SEH1L: variants seen among roughly 807,000 people sequenced by gnomAD.
The protein encoded by SEH1L is SEH1 like nucleoporin, also known as nucleoporin SEH1.
In SEH1L, 18 loss-of-function variants were observed where a neutral mutation model predicts 49.5. That is an observed-to-expected ratio of 0.36 (90% CI 0.25 to 0.54). The LOEUF is 0.54. Among genes scored for constraint, SEH1L ranks in the 20% least tolerant of loss-of-function variants. The pLI, the probability that SEH1L is intolerant of heterozygous loss-of-function variation, is 0.87. For missense variants in SEH1L, 404 were observed against 528.8 expected, an observed-to-expected ratio of 0.76 and a Z score of 2.31; for synonymous variants, 169 against 178.1, an observed-to-expected ratio of 0.95 and a Z score of 0.41.
chr18:12,962,967 T>C (rs1046403148), intron 3 of SEH1L, among the ~76,000 whole-genome samples, 193 bp from the exon 4 acceptor site: 20 of 152,084 alleles, frequency 1.3e-4, no homozygotes, highest in Non-Finnish European at 2.1e-4. Context: ...ACTAATTTGT[T>C]AGTGATTCCC....
chr18:12,981,451 C>T (rs575599511), intron 6 of SEH1L, among the ~76,000 whole-genome samples: 153 of 152,358 alleles, frequency 1.0e-3, no homozygotes, highest in Admixed American at 2.9e-3. Flanking sequence ...TCTGCCATCC[C>T]GGCACCTCGG....
intron 5 of SEH1L, among the ~76,000 whole-genome samples, chr18:12,976,104 A>G (rs533598606): frequency 6.6e-6 from 1 of 152,326 alleles, no homozygotes; most frequent in African/African-American, 2.4e-5. Context: ...GAAACAGTAC[A>G]GATTCGGTAT....
chr18:12,980,684 G>T (rs2032190028), intron 6 of SEH1L, among the ~76,000 whole-genome samples: 2 of 127,112 alleles, frequency 1.6e-5, no homozygotes, highest in Non-Finnish European at 1.7e-5. Flanking sequence ...GTGGCTGGCA[G>T]GGCGGGGGGC....
At chr18:12,975,619 CA>C in intron 5 of SEH1L, 1 of 795,762 alleles carries the variant, frequency 1.3e-6, no homozygotes, top group African/African-American at 1.9e-5. Context: ...AGGGGCAGGC[CA>C]ACAGGCCAGG....
Position 12,953,926 on chromosome 18 carries a change from T to A in SEH1L, c.163-1537T>A, listed in dbSNP as rs114699101. On this transcript the variant is annotated intron_variant, in intron 2 of 8. Coordinates refer to ENST00000399892, the MANE Select transcript of SEH1L (RefSeq NM_001013437.2). ...GTGGATATTTCAGTTTCCATTTTAT[T>A]GTGATGAGCATCTTTGTGCAAACCT... Among the ~76,000 whole-genome samples, 661 of 152,364 alleles carry A rather than the reference T, an allele frequency of 4.3e-3. 4 individuals are homozygous for A. The highest frequency in any genetic ancestry group is 0.013 in the African/African-American group (522 of 41,586).
chr18:12,952,721 T>C (rs2030615181), intron 2 of SEH1L, among the ~76,000 whole-genome samples: 1 of 151,780 alleles, frequency 6.6e-6, no homozygotes, highest in South Asian at 2.1e-4. Context: ...TCTGTCTCCA[T>C]AGGTTTCTTC....
At chr18:12,975,162 T>C (rs1273448182) in intron 5 of SEH1L, among the ~76,000 whole-genome samples, 1 of 151,976 alleles carries the variant, frequency 6.6e-6, no homozygotes, top group African/African-American at 2.4e-5. Flanking sequence ...CCAGCTAATT[T>C]TGTAGTTTTA....
chr18:12,983,444 CCTTTTCTG>C, intron 7 of SEH1L, among the ~76,000 whole-genome samples: 1 of 152,206 alleles, frequency 6.6e-6, no homozygotes, highest in Non-Finnish European at 1.5e-5. Context: ...GCTTTGCTGT[CCTTTTCTG>C]CCTTTAGGCT....
chr18:12,951,298 C>A (rs1229239647), intron 1 of SEH1L, among the ~76,000 whole-genome samples: 3 of 152,166 alleles, frequency 2.0e-5, no homozygotes, highest in Non-Finnish European at 4.4e-5. Context: ...GGCCTCCAAG[C>A]GTAGTGACTG....
intron 4 of SEH1L, among the ~76,000 whole-genome samples, chr18:12,963,577 C>A (rs1035539513): frequency 6.6e-6 from 1 of 152,192 alleles, no homozygotes. Context: ...TTCATGTGAA[C>A]CTTTTGGATG....
In SEH1L at chr18:12,980,064, G is replaced by A. The variant is rs558797727; in HGVS notation, c.761+1172G>A. On this transcript the variant is annotated intron_variant, in intron 6 of 8. Coordinates refer to ENST00000399892, the MANE Select transcript of SEH1L (RefSeq NM_001013437.2). ...CCCCCACCTCCCTCCTGGACGGGGCGGCTGGCCGGGCGGGGGGCTGACCCC... is the reference window on the plus strand; with the variant it reads ...CCCCCACCTCCCTCCTGGACGGGGCAGCTGGCCGGGCGGGGGGCTGACCCC... Among the ~76,000 whole-genome samples the A allele has an allele frequency of 1.8e-3, 188 of 102,326 alleles. 5 individuals carry two copies. Among genetic ancestry groups the A allele is most frequent in the Non-Finnish European group, 3.1e-3 (161 of 52,296 alleles). The allele number at this position is 102,326 out of a possible 152,430, so 67.1% of individuals were successfully genotyped here.
At chr18:12,956,322 G>A (rs893777300) in intron 3 of SEH1L, among the ~76,000 whole-genome samples, 1 of 151,776 alleles carries the variant, frequency 6.6e-6, no homozygotes, top group African/African-American at 2.4e-5. Context: ...GATTACAGGC[G>A]TGAGCCACCA....
In SEH1L at chr18:12,986,927, T is replaced by TTCCTCC. The variant is rs769046151; in HGVS notation, c.1151_1156dup (p.Pro384_Pro385dup). Reference sequence around the variant, plus strand: ...AGATGGTCCAGTTATGCCCAGCTCCTTCCTCCTCCTCCTCCTCCTCTGGTA... The same window carrying TTCCTCC: ...AGATGGTCCAGTTATGCCCAGCTCCTTCCTCCTCCTCCTCCTCCTCCTCCTCTGGTA... On this transcript the variant is annotated inframe_insertion, in exon 9 of 9. Coordinates refer to ENST00000399892, the MANE Select transcript of SEH1L (RefSeq NM_001013437.2). 4.7e-5 allele frequency: 76 copies of TTCCTCC among 1,607,184 alleles called. No individual in the cohort carries two copies. Among genetic ancestry groups the TTCCTCC allele is most frequent in the South Asian group, 1.7e-4 (15 of 90,268 alleles).
chr18:12,980,311 G>C (rs1329381954), intron 6 of SEH1L, among the ~76,000 whole-genome samples: 3 of 123,716 alleles, frequency 2.4e-5, no homozygotes, highest in African/African-American at 8.9e-5. Context: ...CTTCCCAGTA[G>C]GGGCGGCCGG....
chr18:12,979,927 C>T (rs2032110427), intron 6 of SEH1L, among the ~76,000 whole-genome samples: 1 of 134,436 alleles, frequency 7.4e-6, no homozygotes, highest in South Asian at 2.4e-4. Context: ...AGAGGGGCTC[C>T]TCACTTCCCA....
Position 12,986,970 on chromosome 18 carries a change from T to G in SEH1L, c.1179T>G (p.Ala393=), listed in dbSNP as rs1454960595. 6.2e-7 allele frequency: 1 copy of G among 1,613,996 alleles called. No individual in the cohort carries two copies. The change falls in exon 9 of 9, where the codon GCT becomes GCG. Residue 393 remains alanine (A), a synonymous_variant. Coordinates refer to ENST00000399892, the MANE Select transcript of SEH1L (RefSeq NM_001013437.2). Reference sequence around the variant, plus strand: ...CTCTGGTAGAGCACTCTTGCGATGCTGACACTGCCAACCTCCAGTATCCTC... The same window carrying G: ...CTCTGGTAGAGCACTCTTGCGATGCGGACACTGCCAACCTCCAGTATCCTC... ...PPPLVEHSCD[A]DTANLQYPHP...
intron 4 of SEH1L, among the ~76,000 whole-genome samples, chr18:12,970,849 G>A (rs1384096638): frequency 6.6e-6 from 1 of 152,210 alleles, no homozygotes; most frequent in East Asian, 1.9e-4. Context: ...GACCTCTTAA[G>A]TATCTTTTAA....
At chr18:12,978,920 G>C in intron 6 of SEH1L, 28 bp downstream of exon 6, 1 of 1,606,714 alleles carries the variant, frequency 6.2e-7, no homozygotes, top group East Asian at 2.2e-5. Context: ...TTATGAATTT[G>C]AAAATACTCT....
rs746698872 is a variant in SEH1L, at chr18:12,984,125, A to G, written c.1005A>G (p.Ser335=). The change falls in exon 8 of 9, where the codon TCA becomes TCG. Residue 335 remains serine, a synonymous_variant. Transcript: ENST00000399892. ...ATGGGAGTTCTCAGCAGGGAACCTC[A>G]AATCCTTCCCTAGGTTCAACTATTC... is the stretch of plus-strand genomic sequence containing the variant. ...PVNGSSQQGT[S]NPSLGSTIPS... The G allele has an allele frequency of 8.1e-6, 13 of 1,613,564 alleles. No individual in the cohort carries two copies. The highest frequency in any genetic ancestry group is 1.1e-5 in the Non-Finnish European group (13 of 1,179,552).
Sources: allele counts gnomAD v4.1 joint callset (sites outside exome capture counted in the v4.1 genomes callset), GRCh38; gene constraint gnomAD v4.1.1; transcripts MANE v1.5; gene names NCBI Gene and HGNC (gene_info 2026-07-23, HGNC 2026-07-21).